The following DPP10 variants were observed in gnomAD, a reference collection of about 807,000 sequenced individuals.
The protein encoded by DPP10 is inactive dipeptidyl peptidase 10.
Under a neutral mutation model 120.9 loss-of-function variants are expected in DPP10, and 33 were observed. The ratio of observed to expected loss-of-function variants is 0.27; its 90% CI spans 0.21 to 0.37. The LOEUF is 0.37. Ranked by LOEUF, DPP10 falls within the 10% of genes least tolerant of loss-of-function variation. DPP10 has a pLI of 1.00. For missense variants in DPP10, 816 were observed against 942.8 expected, an observed-to-expected ratio of 0.87 and a Z score of 1.76; for synonymous variants, 337 against 326.1, an observed-to-expected ratio of 1.03 and a Z score of -0.36.
At chr2:114,696,804 G>A (rs1414253455) in intron 1 of DPP10, among the ~76,000 whole-genome samples, 3 of 151,116 alleles carry the variant, frequency 2.0e-5, no homozygotes, top group African/African-American at 7.3e-5. Context: ...AAGCCATATC[G>A]CTTGAAAAAA....
At chr2:115,210,866 G>A (rs1249859814) in intron 1 of DPP10, among the ~76,000 whole-genome samples, 1 of 151,790 alleles carries the variant, frequency 6.6e-6, no homozygotes, top group Non-Finnish European at 1.5e-5. Flanking sequence ...TGATGGGGTT[G>A]TTTTTTTCTT....
At chr2:114,884,168 G>T (rs1272117639) in intron 1 of DPP10, among the ~76,000 whole-genome samples, 4 of 152,094 alleles carry the variant, frequency 2.6e-5, no homozygotes, top group African/African-American at 9.7e-5. Flanking sequence ...ATTATACCTA[G>T]CACTAGGTGA....
intron 1 of DPP10, among the ~76,000 whole-genome samples, chr2:115,118,269 C>A (rs6747204): frequency 0.21 from 31,334 of 152,040 alleles, 3,967 homozygotes; most frequent in East Asian, 0.36. Flanking sequence ...GTAGTCTGAA[C>A]CAATATTATC....
intron 1 of DPP10, among the ~76,000 whole-genome samples, chr2:114,760,842 C>T (rs184079004): frequency 4.9e-4 from 74 of 152,058 alleles, no homozygotes; most frequent in African/African-American, 1.7e-3. Context: ...CTTACTCATT[C>T]TACTTGGAAA....
At chr2:115,668,385 T>A (rs1170104158) in intron 5 of DPP10, among the ~76,000 whole-genome samples, 1 of 152,082 alleles carries the variant, frequency 6.6e-6, no homozygotes, top group African/African-American at 2.4e-5. Flanking sequence ...GGCTTCACTT[T>A]TCTCTCTGTC....
At chr2:115,671,927 T>G (rs1179669707) in intron 5 of DPP10, among the ~76,000 whole-genome samples, 1 of 152,170 alleles carries the variant, frequency 6.6e-6, no homozygotes, top group African/African-American at 2.4e-5. Context: ...AATGGAATAG[T>G]GTGACAACTG....
intron 1 of DPP10, among the ~76,000 whole-genome samples, chr2:114,536,408 C>CTTTTTTT (rs70937287): frequency 1.5e-3 from 188 of 128,672 alleles, no homozygotes; most frequent in Non-Finnish European, 2.0e-3. Context: ...TTTTCTTTTT[C>CTTTTTTT]TTTTTTTTTT....
intron 1 of DPP10, among the ~76,000 whole-genome samples, chr2:115,274,824 G>A (rs2059844793): frequency 6.6e-6 from 1 of 152,174 alleles, no homozygotes; most frequent in African/African-American, 2.4e-5. Flanking sequence ...ATTAACAGTT[G>A]TAGCATCTTT....
chr2:115,222,809 AG>A, intron 1 of DPP10, among the ~76,000 whole-genome samples: 1 of 152,272 alleles, frequency 6.6e-6, no homozygotes, highest in Non-Finnish European at 1.5e-5. Context: ...ATTAGTATCT[AG>A]ATATCCTATT....
intron 1 of DPP10, among the ~76,000 whole-genome samples, chr2:115,244,231 TATATATATAGAGAG>T (rs1341073631): frequency 1.3e-3 from 51 of 39,384 alleles, no homozygotes; most frequent in East Asian, 2.4e-3. Context: ...TATATATATA[TATATATATAGAGAG>T]AGAGAGAGAG....
intron 1 of DPP10, among the ~76,000 whole-genome samples, chr2:115,221,526 A>G (rs970353121): frequency 6.6e-6 from 1 of 152,146 alleles, no homozygotes; most frequent in Non-Finnish European, 1.5e-5. Flanking sequence ...GTAACTATAC[A>G]TGGTCCGCAA....
chr2:115,196,659 G>A (rs571199712), intron 1 of DPP10, among the ~76,000 whole-genome samples: 44 of 152,112 alleles, frequency 2.9e-4, no homozygotes, highest in African/African-American at 1.1e-3. Flanking sequence ...TTAAAAGATT[G>A]GACTTTTACA....
At chr2:115,218,687 A>G (rs1250363928) in intron 1 of DPP10, among the ~76,000 whole-genome samples, 2 of 152,088 alleles carry the variant, frequency 1.3e-5, no homozygotes, top group African/African-American at 4.8e-5. Context: ...AAAATCCTCT[A>G]TAGAGTAGTG....
intron 3 of DPP10, among the ~76,000 whole-genome samples, chr2:115,418,995 A>G (rs2069691093): frequency 6.6e-6 from 1 of 152,120 alleles, no homozygotes; most frequent in Admixed American, 6.6e-5. Flanking sequence ...TATGAAGTCT[A>G]CAAACAATAT....
intron 5 of DPP10, among the ~76,000 whole-genome samples, chr2:115,577,396 T>G (rs2081740716): frequency 1.3e-5 from 2 of 152,210 alleles, no homozygotes; most frequent in African/African-American, 4.8e-5. Flanking sequence ...TCTCTGGGTT[T>G]TAGTTTTTTC....
intron 13 of DPP10, among the ~76,000 whole-genome samples, chr2:115,770,441 A>AT (rs551876544): frequency 4.9e-4 from 74 of 151,838 alleles, no homozygotes; most frequent in African/African-American, 1.5e-3. Context: ...AGTAGAAAAC[A>AT]TTTTTTTTCT....
intron 2 of DPP10, among the ~76,000 whole-genome samples, chr2:115,321,160 G>A (rs762626125): frequency 2.0e-5 from 3 of 152,106 alleles, no homozygotes; most frequent in East Asian, 1.9e-4. Flanking sequence ...AATTAGCTGG[G>A]TCTGGTGGTG....
At chr2:115,384,707 AAAGAAGAAGAAG>A (rs139572526) in intron 3 of DPP10, among the ~76,000 whole-genome samples, 1 of 148,434 alleles carries the variant, frequency 6.7e-6, no homozygotes, top group Non-Finnish European at 1.5e-5. Flanking sequence ...AAGAAAGAAG[AAAGAAGAAGAAG>A]AAGAAGAAGA....
intron 1 of DPP10, chr2:115,297,310 ATGGGCAGCCCAGG>A (rs1434399751): frequency 2.6e-6 from 1 of 390,070 alleles, no homozygotes; most frequent in East Asian, 8.3e-5. Context: ...GTAATTATTA[ATGGGCAGCCCAGG>A]TGGGCAGACC....
Sources: gnomAD v4.1 joint callset for allele counts (sites outside exome capture counted in the v4.1 genomes callset) on GRCh38, gnomAD v4.1.1 for gene constraint, MANE v1.5 for transcripts, NCBI Gene and HGNC (gene_info 2026-07-23, HGNC 2026-07-21) for gene names.